The following GALNT17 variants were observed in gnomAD, a reference collection of about 807,000 sequenced individuals.
GALNT17 encodes the protein UDP-GalNAc:polypeptide N-acetylgalactosaminyltransferase-like 3.
Under a neutral mutation model 63.7 loss-of-function variants are expected in GALNT17, and 29 were observed. The observed-to-expected ratio is 0.46, with a 90% CI of 0.34 to 0.62. The LOEUF (loss-of-function observed/expected upper bound fraction) is 0.62, where lower values mean the gene tolerates loss of function less well. GALNT17 is among the 20% of genes least tolerant of loss of function. GALNT17 has a pLI of 0.01. For synonymous variants in GALNT17, 305 were observed against 318.3 expected (o/e 0.96, Z 0.45); for missense variants, 603 against 799.6 (o/e 0.75, Z 2.97).
intron 1 of GALNT17, among the ~76,000 whole-genome samples, chr7:71,319,549 A>G (rs1361812202): frequency 1.3e-5 from 2 of 151,938 alleles, no homozygotes. Flanking sequence ...GTGAATCCCA[A>G]TTTTCTATCT....
At chr7:71,150,934 A>G (rs1173189207) in intron 1 of GALNT17, among the ~76,000 whole-genome samples, 1 of 145,822 alleles carries the variant, frequency 6.9e-6, no homozygotes, top group Non-Finnish European at 1.5e-5. Flanking sequence ...CCATGATCAC[A>G]CCACTGCACT....
At chr7:71,214,957 A>G (rs1411587459) in intron 1 of GALNT17, among the ~76,000 whole-genome samples, 1 of 152,158 alleles carries the variant, frequency 6.6e-6, no homozygotes, top group African/African-American at 2.4e-5. Flanking sequence ...CCCTGCATTC[A>G]TTGAATTCTA....
intron 1 of GALNT17, among the ~76,000 whole-genome samples, chr7:71,231,448 TTGCTA>T (rs1789786909): frequency 6.6e-6 from 1 of 152,126 alleles, no homozygotes; most frequent in Admixed American, 6.5e-5. Flanking sequence ...AGTCCAGAGC[TTGCTA>T]TGGAAGAGAG....
intron 6 of GALNT17, among the ~76,000 whole-genome samples, chr7:71,588,903 A>G (rs1789758869): frequency 6.6e-6 from 1 of 152,046 alleles, no homozygotes; most frequent in South Asian, 2.1e-4. Flanking sequence ...CCTCCCCCAA[A>G]TTACCCTATT....
intron 5 of GALNT17, among the ~76,000 whole-genome samples, chr7:71,438,128 G>C (rs1315213834): frequency 2.0e-5 from 3 of 152,176 alleles, no homozygotes; most frequent in Non-Finnish European, 2.9e-5. Context: ...TAGAGGGACA[G>C]AACTAATAAT....
At chr7:71,518,525 A>G (rs574239916) in intron 5 of GALNT17, among the ~76,000 whole-genome samples, 1 of 152,330 alleles carries the variant, frequency 6.6e-6, no homozygotes, top group South Asian at 2.1e-4. Context: ...ATCACGCAAG[A>G]GACACGAGTC....
chr7:71,263,649 A>T (rs867577825), intron 1 of GALNT17, among the ~76,000 whole-genome samples: 15 of 152,098 alleles, frequency 9.9e-5, no homozygotes, highest in Middle Eastern at 3.4e-3. Context: ...TCTGGCCGGG[A>T]GCGGTGGCTC....
intron 5 of GALNT17, among the ~76,000 whole-genome samples, chr7:71,464,998 C>A (rs1310957055): frequency 2.0e-5 from 3 of 152,078 alleles, no homozygotes; most frequent in African/African-American, 7.2e-5. Flanking sequence ...TTCTAAAGAA[C>A]CATCTTAATA....
chr7:71,176,876 C>T (rs956482390), intron 1 of GALNT17, among the ~76,000 whole-genome samples: 6 of 152,146 alleles, frequency 3.9e-5, no homozygotes, highest in African/African-American at 1.2e-4. Context: ...TGAGCACTTA[C>T]GGTATGCTGG....
At chr7:71,561,095 C>T (rs1166172416) in intron 5 of GALNT17, among the ~76,000 whole-genome samples, 1 of 152,158 alleles carries the variant, frequency 6.6e-6, no homozygotes, top group Non-Finnish European at 1.5e-5. Context: ...TCACTGCAAC[C>T]TCCACCTCCC....
chr7:71,443,767 C>G (rs1008679378), intron 5 of GALNT17, among the ~76,000 whole-genome samples: 66 of 152,042 alleles, frequency 4.3e-4, no homozygotes, highest in African/African-American at 1.6e-3. Context: ...TCTTGTTGCC[C>G]AGGCTGGAGT....
intron 5 of GALNT17, among the ~76,000 whole-genome samples, chr7:71,459,394 T>G (rs1489221022): frequency 6.6e-6 from 1 of 152,220 alleles, no homozygotes; most frequent in South Asian, 2.1e-4. Flanking sequence ...CAAGAGCAGG[T>G]TACAGTCTGT....
At chr7:71,256,705 A>T (rs1210972127) in intron 1 of GALNT17, among the ~76,000 whole-genome samples, 1 of 152,240 alleles carries the variant, frequency 6.6e-6, no homozygotes, top group Non-Finnish European at 1.5e-5. Flanking sequence ...GCTCAGAAGA[A>T]ATCTCTCTAA....
chr7:71,652,166 T>C (rs965445472), intron 6 of GALNT17, among the ~76,000 whole-genome samples: 3 of 152,072 alleles, frequency 2.0e-5, no homozygotes, highest in Non-Finnish European at 4.4e-5. Flanking sequence ...TCTGAACTGC[T>C]CATCACAAAA....
intron 5 of GALNT17, among the ~76,000 whole-genome samples, chr7:71,484,681 C>A (rs139952409): frequency 6.6e-6 from 1 of 152,026 alleles, no homozygotes; most frequent in South Asian, 2.1e-4. Context: ...GTCCTACATG[C>A]AATCTGTCAT....
At chr7:71,685,948 ATTTTTTT>A (rs3062958) in intron 9 of GALNT17, among the ~76,000 whole-genome samples, 16 of 59,806 alleles carry the variant, frequency 2.7e-4, no homozygotes, top group African/African-American at 8.9e-4. Context: ...GGCAATTACT[ATTTTTTT>A]TTTTTTTTTT....
At chr7:71,552,559 G>T (rs888251143) in intron 5 of GALNT17, among the ~76,000 whole-genome samples, 2 of 151,176 alleles carry the variant, frequency 1.3e-5, no homozygotes, top group South Asian at 4.2e-4. Flanking sequence ...TCCTGTCTCA[G>T]CCCCCCTCGT....
intron 5 of GALNT17, among the ~76,000 whole-genome samples, chr7:71,422,157 C>CAG (rs142293325): frequency 0.011 from 1,641 of 152,134 alleles, 33 homozygotes; most frequent in African/African-American, 0.038. Context: ...AGGGCTGGGT[C>CAG]AGGAGGTCTG....
chr7:71,625,392 C>T (rs561766031), intron 6 of GALNT17, among the ~76,000 whole-genome samples: 234 of 152,280 alleles, frequency 1.5e-3, no homozygotes, highest in African/African-American at 5.4e-3. Context: ...GTGATCCACC[C>T]GCCTTGGCCT....
Sources: gnomAD v4.1 joint callset for allele counts (sites outside exome capture counted in the v4.1 genomes callset) on GRCh38, gnomAD v4.1.1 for gene constraint, MANE v1.5 for transcripts, NCBI Gene and HGNC (gene_info 2026-07-23, HGNC 2026-07-21) for gene names.